Variants in MAP2K4 observed in about 807,000 individuals in gnomAD.
MAP2K4 encodes mitogen-activated protein kinase kinase 4, also known as dual specificity mitogen-activated protein kinase kinase 4.
Under a neutral mutation model 48.5 loss-of-function variants are expected in MAP2K4, and 4 were observed. The ratio of observed to expected loss-of-function variants is 0.08; its 90% CI spans 0.04 to 0.19. The LOEUF is 0.19. Among genes scored for constraint, MAP2K4 ranks in the 10% least tolerant of loss-of-function variants. The pLI is 1.00. For synonymous variants in MAP2K4, 166 were observed against 173.1 expected (o/e 0.96, Z 0.32); for missense variants, 258 against 493.3 (o/e 0.52, Z 4.52).
intron 1 of MAP2K4, among the ~76,000 whole-genome samples, chr17:12,043,331 C>T (rs914420391): frequency 6.6e-6 from 1 of 152,124 alleles, no homozygotes; most frequent in African/African-American, 2.4e-5. Flanking sequence ...CCAATATTGA[C>T]ACCTTGAGGT....
At chr17:12,114,128 G>C (rs8066564) in intron 7 of MAP2K4, among the ~76,000 whole-genome samples, 135,231 of 152,166 alleles carry the variant, frequency 0.89, 62,260 homozygotes, top group East Asian at 1. Flanking sequence ...TTTGTAGACT[G>C]TTTTAAACTA....
Position 12,081,617 on chromosome 17 carries a change from C to A in MAP2K4, c.393+87C>A. 3 of 1,359,968 alleles carry A rather than the reference C, an allele frequency of 2.2e-6. No individual in the cohort carries two copies. Among genetic ancestry groups the A allele is most frequent in the Non-Finnish European group, 3.1e-6 (3 of 983,366 alleles). The allele number at this position is 1,359,968 out of a possible 1,614,324, so 84.2% of individuals were successfully genotyped here. On this transcript the variant is annotated intron_variant, in intron 3 of 10. Coordinates refer to ENST00000353533, the MANE Select transcript of MAP2K4 (RefSeq NM_003010.4). The surrounding 1 kb of genome is among the most constrained non-coding windows in gnomAD (Gnocchi z 4.2). ...TAATACCACTGTTGTTGTGTTCCTA[C>A]TTTTGTGGTAAATGTGGGTGTTTAA...
intron 7 of MAP2K4, among the ~76,000 whole-genome samples, chr17:12,122,193 A>G (rs765165691): frequency 5.9e-5 from 9 of 152,254 alleles, no homozygotes; most frequent in Non-Finnish European, 8.8e-5. Context: ...ATCTTATTTA[A>G]GTGCTAACTT....
intron 4 of MAP2K4, among the ~76,000 whole-genome samples, chr17:12,100,195 T>C (rs2151566141): frequency 6.6e-6 from 1 of 152,334 alleles, no homozygotes; most frequent in South Asian, 2.1e-4. Context: ...CTTACGAGTT[T>C]CCTTACACCA....
chr17:12,032,700 A>C (rs776157030), intron 1 of MAP2K4, among the ~76,000 whole-genome samples: 8 of 152,200 alleles, frequency 5.3e-5, no homozygotes, highest in Non-Finnish European at 8.8e-5. Context: ...TAAACCATAC[A>C]TTGAATATAT....
chr17:12,127,852 G>A (rs1183423061), intron 8 of MAP2K4, among the ~76,000 whole-genome samples: 2 of 152,334 alleles, frequency 1.3e-5, no homozygotes, highest in East Asian at 1.9e-4. Flanking sequence ...GCACACATGT[G>A]TGTAATTAGA....
At chr17:12,136,728 A>G (rs1476500828) in intron 9 of MAP2K4, among the ~76,000 whole-genome samples, 2 of 152,218 alleles carry the variant, frequency 1.3e-5, no homozygotes, top group African/African-American at 2.4e-5. Context: ...TCATAAGTTT[A>G]TACACTGACA....
At position 12,081,222 on chromosome 17, in the gene MAP2K4, A is replaced by G; in HGVS notation, c.219-134A>G. ...AAAAAACCAGGATGACACAAATGAA[A>G]AACTTCAAAAACCTGGAGGTCAGAC... On this transcript the variant is annotated intron_variant, in intron 2 of 10. Coordinates refer to ENST00000353533, the MANE Select transcript of MAP2K4 (RefSeq NM_003010.4). The surrounding 1 kb of genome is among the most constrained non-coding windows in gnomAD (Gnocchi z 4.2). The G allele has an allele frequency of 1.6e-6, 1 of 615,958 alleles. No homozygotes were observed. Among genetic ancestry groups the G allele is most frequent in the Non-Finnish European group, 2.7e-6 (1 of 371,718 alleles). The allele number at this position is 615,958 out of a possible 1,614,324, so 38.2% of individuals were successfully genotyped here.
rs114041739 is a variant in MAP2K4, at chr17:12,046,344, C to T, written c.116-8545C>T. Among the ~76,000 whole-genome samples, 1,437 of 152,134 alleles carry T rather than the reference C, an allele frequency of 9.4e-3. 18 individuals carry two copies. The highest frequency in any genetic ancestry group is 0.032 in the African/African-American group (1,312 of 41,502). On this transcript the variant is annotated intron_variant, in intron 1 of 10. Coordinates refer to ENST00000353533, the MANE Select transcript of MAP2K4 (RefSeq NM_003010.4). Reference sequence around the variant, plus strand: ...GGAATTGGGGTTCGGGGGGTTATTTCGGATAAGCTTTTTATATTTTGTTGG... The same window carrying T: ...GGAATTGGGGTTCGGGGGGTTATTTTGGATAAGCTTTTTATATTTTGTTGG...
chr17:12,132,804 G>A (rs570244677), intron 9 of MAP2K4, among the ~76,000 whole-genome samples: 3 of 152,126 alleles, frequency 2.0e-5, no homozygotes, highest in South Asian at 2.1e-4. Flanking sequence ...GGTGCTGAGC[G>A]TGCCACAGTG....
intron 1 of MAP2K4, among the ~76,000 whole-genome samples, chr17:12,024,811 T>A (rs530423329): frequency 6.6e-6 from 1 of 152,232 alleles, no homozygotes; most frequent in Non-Finnish European, 1.5e-5. Context: ...AATTGACTTG[T>A]AGCATTCAAG....
At chr17:12,028,664 A>G (rs1481658050) in intron 1 of MAP2K4, among the ~76,000 whole-genome samples, 1 of 152,202 alleles carries the variant, frequency 6.6e-6, no homozygotes, top group Admixed American at 6.5e-5. Context: ...CCAGTAAGGC[A>G]GCTCTGATTT....
At chr17:12,061,892 G>A (rs1970458539) in intron 2 of MAP2K4, among the ~76,000 whole-genome samples, 1 of 146,080 alleles carries the variant, frequency 6.8e-6, no homozygotes, top group Non-Finnish European at 1.5e-5. Flanking sequence ...ACTTTTTTCA[G>A]TGTGTTTTTT....
At chr17:12,021,120 C>A (rs1243351332) in intron 1 of MAP2K4, 119 bp downstream of exon 1, 5 of 492,092 alleles carry the variant, frequency 1.0e-5, no homozygotes, top group Middle Eastern at 6.3e-4. Flanking sequence ...CCGCCGGCTT[C>A]TCCCTCTCTC....
chr17:12,042,153 A>G, intron 1 of MAP2K4, among the ~76,000 whole-genome samples: 1 of 137,174 alleles, frequency 7.3e-6, no homozygotes, highest in Non-Finnish European at 1.6e-5. Context: ...GGCAACAAGA[A>G]CGAAACTTTG....
intron 7 of MAP2K4, among the ~76,000 whole-genome samples, chr17:12,122,297 C>T (rs1284008972): frequency 1.3e-5 from 2 of 152,190 alleles, no homozygotes; most frequent in Admixed American, 1.3e-4. Flanking sequence ...CACCCTCCCT[C>T]GTCCCCCTGC....
At chr17:12,034,599 T>G (rs1025776708) in intron 1 of MAP2K4, among the ~76,000 whole-genome samples, 1 of 152,236 alleles carries the variant, frequency 6.6e-6, no homozygotes, top group African/African-American at 2.4e-5. Context: ...TAAGCGAGAT[T>G]CTTGGTACAG....
intron 2 of MAP2K4, among the ~76,000 whole-genome samples, chr17:12,074,914 A>G (rs772241583): frequency 6.6e-6 from 1 of 152,138 alleles, no homozygotes; most frequent in East Asian, 1.9e-4. Flanking sequence ...GATGATTTCC[A>G]GTGTCTTCCA....
intron 2 of MAP2K4, among the ~76,000 whole-genome samples, chr17:12,062,065 C>G (rs74253535): frequency 0.014 from 2,072 of 147,146 alleles, 19 homozygotes; most frequent in East Asian, 0.052. Context: ...CCTCTCCCCC[C>G]CCTTTTTTTC....
Sources: allele counts gnomAD v4.1 joint callset (sites outside exome capture counted in the v4.1 genomes callset), GRCh38; gene constraint gnomAD v4.1.1; non-coding constraint Gnocchi (gnomAD v3.1); transcripts MANE v1.5; gene names NCBI Gene and HGNC (gene_info 2026-07-23, HGNC 2026-07-21).